The following NPAS3 variants were observed in gnomAD, a reference collection of about 807,000 sequenced individuals.
NPAS3 encodes neuronal PAS domain-containing protein 3.
NPAS3 carries 14 observed loss-of-function variants against 73.1 expected under a neutral mutation model. The observed-to-expected ratio is 0.19, with a 90% CI of 0.13 to 0.30. NPAS3 has a LOEUF of 0.30. Among genes scored for constraint, NPAS3 ranks in the 10% least tolerant of loss-of-function variants. The probability of loss-of-function intolerance (pLI) is 1.00; values close to 1 mark genes in which losing one functional copy is unlikely to be tolerated. For synonymous variants in NPAS3, 620 were observed against 541.5 expected, an observed-to-expected ratio of 1.14 and a Z score of -2.01; for missense variants, 1,096 against 1,250.0, an observed-to-expected ratio of 0.88 and a Z score of 1.86.
chr14:33,099,365 A>G (rs887035242), intron 2 of NPAS3, among the ~76,000 whole-genome samples: 5 of 152,226 alleles, frequency 3.3e-5, no homozygotes, highest in African/African-American at 1.2e-4. Flanking sequence ...ACATACATAC[A>G]AAATTCTGCA....
chr14:33,493,324 C>CTT lies in NPAS3; in HGVS notation c.469-66784_469-66783dup, dbSNP rs202231064. Among the ~76,000 whole-genome samples the CTT allele has an allele frequency of 2.2e-3, 314 of 141,728 alleles. 2 individuals are homozygous for CTT. The highest frequency in any genetic ancestry group is 7.1e-3 in the African/African-American group (276 of 38,902). The allele number at this position is 141,728 out of a possible 152,430, so 93.0% of individuals were successfully genotyped here. A position where few individuals can be genotyped will look rare whatever the true frequency, so the allele number is the denominator to read the frequency against. ...GTAAAGTTCTGTTTGCTCTCTTAGT[C>CTT]TTTTTTTTTTTTTTCACACTCCTAA... On this transcript the variant is annotated intron_variant, in intron 4 of 11. Transcript: ENST00000356141.
rs1041849084 is a variant in NPAS3, at chr14:33,053,148, A to G, written c.51-2757A>G. ...TAGGACTTGCCCGCTAATCTTTCTC[A>G]CATCATTCCATTCTTTGCTTGCCAC... On this transcript the variant is annotated intron_variant, in intron 1 of 11. Coordinates refer to ENST00000356141, the Ensembl canonical transcript of NPAS3. Among the ~76,000 whole-genome samples the G allele has an allele frequency of 2.0e-5, 3 of 152,134 alleles. No homozygotes were observed. In the East Asian group the frequency reaches 5.8e-4, roughly 29 times the overall value.
At chr14:32,989,643 A>AAACAACAACAACAAC (rs140844361) in intron 1 of NPAS3, among the ~76,000 whole-genome samples, 6 of 151,368 alleles carry the variant, frequency 4.0e-5, no homozygotes, top group Non-Finnish European at 7.4e-5. Flanking sequence ...ACTCGGTCTC[A>AAACAACAACAACAAC]AACAACAACA....
chr14:33,112,239 T>C (rs1201388010), intron 2 of NPAS3, among the ~76,000 whole-genome samples: 5 of 152,194 alleles, frequency 3.3e-5, no homozygotes, highest in African/African-American at 1.2e-4. Context: ...CTTCAGGAAT[T>C]GCCACACTGA....
At chr14:33,506,563 A>G (rs945422489) in intron 4 of NPAS3, among the ~76,000 whole-genome samples, 3 of 152,020 alleles carry the variant, frequency 2.0e-5, no homozygotes, top group Non-Finnish European at 4.4e-5. Flanking sequence ...ACAGTCTGAC[A>G]TTTTTCCATC....
chr14:32,937,018 G>A (rs77801301), upstream of NPAS3, among the ~76,000 whole-genome samples: 377 of 150,916 alleles, frequency 2.5e-3, 2 homozygotes, highest in African/African-American at 7.5e-3. Context: ...ATTGGCAGAA[G>A]AGAAGATGAT....
At position 33,509,192 on chromosome 14, in the gene NPAS3, G is replaced by A. The variant is rs951241539; in HGVS notation, c.469-50929G>A. 5.3e-5 allele frequency among the ~76,000 whole-genome samples: 8 copies of A among 151,614 alleles called. 1 individual carries two copies. The East Asian group carries it at 5.9e-4, about 11-fold the overall frequency. On this transcript the variant is annotated intron_variant, in intron 4 of 11. Coordinates refer to ENST00000356141, the Ensembl canonical transcript of NPAS3. ...TGATCATATATTGCTTTGTGTTATC[G>A]CTTGGCAAATCATATTACACTGATG...
intron 3 of NPAS3, among the ~76,000 whole-genome samples, chr14:33,226,076 T>C (rs17471995): frequency 0.083 from 12,636 of 152,284 alleles, 733 homozygotes; most frequent in Non-Finnish European, 0.13. Context: ...ATATGCATTG[T>C]GTATGTCACC....
intron 4 of NPAS3, among the ~76,000 whole-genome samples, chr14:33,509,630 G>A (rs1253444586): frequency 6.6e-6 from 1 of 152,022 alleles, no homozygotes; most frequent in African/African-American, 2.4e-5. Flanking sequence ...GGAGGAGGAG[G>A]TGGGACTTCC....
chr14:33,226,727 T>A (rs1240440694), intron 3 of NPAS3, among the ~76,000 whole-genome samples: 1 of 152,188 alleles, frequency 6.6e-6, no homozygotes, highest in Non-Finnish European at 1.5e-5. Flanking sequence ...TACTAAGTGC[T>A]TGAAAGACAC....
intron 3 of NPAS3, among the ~76,000 whole-genome samples, chr14:33,315,873 C>T (rs190773225): frequency 2.5e-3 from 373 of 152,054 alleles, no homozygotes; most frequent in Non-Finnish European, 4.4e-3. Flanking sequence ...GTGCATGAGA[C>T]GTATTAGTCT....
intron 4 of NPAS3, among the ~76,000 whole-genome samples, chr14:33,400,380 A>G (rs889564342): frequency 6.6e-5 from 10 of 152,178 alleles, no homozygotes; most frequent in African/African-American, 2.4e-4. Flanking sequence ...GTCCTCATGG[A>G]AAATTTAAGT....
chr14:33,550,654 A>G (rs1309600856), intron 4 of NPAS3, among the ~76,000 whole-genome samples: 2 of 152,228 alleles, frequency 1.3e-5, no homozygotes, highest in East Asian at 3.9e-4. Context: ...AAGGTTAGCA[A>G]AGCAGCCGAG....
intron 3 of NPAS3, among the ~76,000 whole-genome samples, chr14:33,326,598 C>T (rs953135712): frequency 1.3e-5 from 2 of 152,066 alleles, no homozygotes; most frequent in Non-Finnish European, 2.9e-5. Flanking sequence ...AATTATAGAA[C>T]GTGAAAATCT....
intron 5 of NPAS3, chr14:33,582,311 A>G (rs142886681): frequency 6.6e-6 from 1 of 152,314 alleles, no homozygotes; most frequent in Non-Finnish European, 1.5e-5. Flanking sequence ...GATTTTCATA[A>G]TGTCTGCTCT....
chr14:33,415,416 C>T (rs1033642629), intron 4 of NPAS3, among the ~76,000 whole-genome samples: 1 of 152,088 alleles, frequency 6.6e-6, no homozygotes. Context: ...CTATCCATAT[C>T]TTATACTTTC....
At chr14:33,345,406 G>A (rs2140325316) in intron 3 of NPAS3, among the ~76,000 whole-genome samples, 1 of 152,270 alleles carries the variant, frequency 6.6e-6, no homozygotes, top group East Asian at 1.9e-4. Flanking sequence ...TAGATATTAT[G>A]GAAGCTTTTT....
chr14:33,381,651 G>A (rs2046558945), intron 4 of NPAS3, among the ~76,000 whole-genome samples: 1 of 152,118 alleles, frequency 6.6e-6, no homozygotes. Context: ...GAGAGTGACA[G>A]AGAAAAGAAT....
intron 3 of NPAS3, among the ~76,000 whole-genome samples, chr14:33,240,489 T>G (rs981276759): frequency 1.3e-5 from 2 of 151,884 alleles, no homozygotes; most frequent in African/African-American, 4.8e-5. Context: ...TTTGTGTTGA[T>G]AGCCTTGTCT....
Sources: gnomAD v4.1 joint callset for allele counts (sites outside exome capture counted in the v4.1 genomes callset) on GRCh38, gnomAD v4.1.1 for gene constraint, MANE v1.5 for transcripts, NCBI Gene and HGNC (gene_info 2026-07-23, HGNC 2026-07-21) for gene names.